ADAMTS9: variants seen among roughly 807,000 people sequenced by gnomAD.
ADAMTS9 encodes A disintegrin and metalloproteinase with thrombospondin motifs 9.
In ADAMTS9, 107 loss-of-function variants were observed where a neutral mutation model predicts 257.1. The ratio of observed to expected loss-of-function variants is 0.42; its 90% CI spans 0.36 to 0.49. The LOEUF is 0.49. ADAMTS9 is among the 20% of genes least tolerant of loss of function. The pLI, the probability that ADAMTS9 is intolerant of heterozygous loss-of-function variation, is 0.03. For missense variants in ADAMTS9, 2,353 were observed against 2,469.1 expected, an observed-to-expected ratio of 0.95 and a Z score of 1.00; for synonymous variants, 982 against 880.9, an observed-to-expected ratio of 1.11 and a Z score of -2.03.
At chr3:64,621,675 T>C (rs1161980885) in intron 18 of ADAMTS9, among the ~76,000 whole-genome samples, 4 of 151,558 alleles carry the variant, frequency 2.6e-5, no homozygotes, top group African/African-American at 7.3e-5. Context: ...GGCATGAGAA[T>C]TGCTTGAACC....
chr3:64,639,125 C>G, intron 12 of ADAMTS9, among the ~76,000 whole-genome samples: 1 of 151,862 alleles, frequency 6.6e-6, no homozygotes, highest in African/African-American at 2.4e-5. Context: ...TCTGATTTTC[C>G]CTTTTCTGTG....
chr3:64,563,031 T>A (rs2083455106), intron 29 of ADAMTS9: 1 of 152,224 alleles, frequency 6.6e-6, no homozygotes, highest in South Asian at 2.1e-4. Context: ...ATATTTTGGA[T>A]CAACATAGCT....
chr3:64,520,800 G>C (rs150669533), intron 39 of ADAMTS9, among the ~76,000 whole-genome samples: 49 of 152,098 alleles, frequency 3.2e-4, no homozygotes, highest in African/African-American at 1.1e-3. Flanking sequence ...AATAACTCAG[G>C]ATACATTAAA....
At chr3:64,618,950 C>T (rs967540013) in intron 19 of ADAMTS9, among the ~76,000 whole-genome samples, 1 of 152,074 alleles carries the variant, frequency 6.6e-6, no homozygotes, top group African/African-American at 2.4e-5. Flanking sequence ...ACCACATAAG[C>T]CAGCATCATC....
Position 64,596,765 on chromosome 3 carries a change from G to A in ADAMTS9, c.4179+65C>T, listed in dbSNP as rs559299498. On this transcript the variant is annotated intron_variant, in intron 27 of 39. Coordinates refer to ENST00000498707, the MANE Select transcript of ADAMTS9 (RefSeq NM_182920.2). ...GTTCTTCTCCTTGAAAATAAAATCT[G>A]AATGATAAATACAGTTTGGTTAACA... The A allele has an allele frequency of 4.0e-5, 63 of 1,575,380 alleles. No individual in the cohort carries two copies. In the African/African-American group the frequency reaches 6.6e-4, roughly 17 times the overall value.
At chr3:64,608,547 C>A (rs780567149) in intron 22 of ADAMTS9, among the ~76,000 whole-genome samples, 1 of 151,928 alleles carries the variant, frequency 6.6e-6, no homozygotes, top group Non-Finnish European at 1.5e-5. Flanking sequence ...TGCCAACTTA[C>A]GCAGATTGCC....
rs867662463 is a variant in ADAMTS9, at chr3:64,629,668, T to A, written c.2389+1787A>T. ...TATGGAGTTTTCTTATCTATCAGGT[T>A]ACTGTTTATTGCCTATTGTTTATTG... On this transcript the variant is annotated intron_variant, in intron 16 of 39. Transcript: ENST00000498707. Among the ~76,000 whole-genome samples, 6 of 152,376 alleles carry A rather than the reference T, an allele frequency of 3.9e-5. No homozygotes were observed. The South Asian group carries it at 1.2e-3, about 32-fold the overall frequency.
At chr3:64,552,575 CTTTTTTTT>C (rs113655800) in intron 30 of ADAMTS9, among the ~76,000 whole-genome samples, 1 of 139,262 alleles carries the variant, frequency 7.2e-6, no homozygotes, top group Admixed American at 7.2e-5. Flanking sequence ...CTTTTCTTTC[CTTTTTTTT>C]TTTTTTTGAG....
intron 12 of ADAMTS9, among the ~76,000 whole-genome samples, chr3:64,637,966 T>C (rs1303675824): frequency 6.6e-6 from 1 of 152,222 alleles, no homozygotes; most frequent in Non-Finnish European, 1.5e-5. Context: ...AGAAAAAGCC[T>C]TGCTGTAATT....
At chr3:64,613,208 G>T in intron 22 of ADAMTS9, 137 bp downstream of exon 22, 2 of 983,882 alleles carry the variant, frequency 2.0e-6, no homozygotes, top group Non-Finnish European at 2.9e-6. Context: ...ACATGTGCTT[G>T]ATCCAGTGCC....
chr3:64,649,713 A>G lies in ADAMTS9; in HGVS notation c.1529T>C (p.Leu510Pro). 1 of 1,614,140 alleles carries G rather than the reference A, an allele frequency of 6.2e-7. No homozygotes were observed. The change falls in exon 10 of 40, where the codon CTG (leucine) becomes CCG (proline). Residue 510 changes from leucine (L) to proline (P), a missense_variant. Physicochemically the swap from Leu to Pro is moderately conservative, Grantham distance 98. Coordinates refer to ENST00000498707, the MANE Select transcript of ADAMTS9 (RefSeq NM_182920.2). ...ESRPYPLPVQLPGILYNVNKQ... is the reference protein window; with the variant it reads ...ESRPYPLPVQPPGILYNVNKQ... ...ATTCACGTTGTAAAGGATGCCTGGC[A>G]GTTGGACAGGCAAAGGGTAGGGTCT...
intron 4 of ADAMTS9, among the ~76,000 whole-genome samples, chr3:64,657,862 G>C (rs576301322): frequency 7.6e-4 from 115 of 152,124 alleles, no homozygotes; most frequent in Non-Finnish European, 1.2e-3. Flanking sequence ...AATAGACTTT[G>C]GTTCTGATTT....
intron 31 of ADAMTS9, among the ~76,000 whole-genome samples, chr3:64,549,779 C>T (rs2083246539): frequency 6.6e-6 from 1 of 152,208 alleles, no homozygotes; most frequent in Non-Finnish European, 1.5e-5. Flanking sequence ...CACAACCAAA[C>T]TGTCTCTAGA....
intron 29 of ADAMTS9, chr3:64,565,480 G>A (rs1012911487): frequency 3.3e-5 from 5 of 152,190 alleles, no homozygotes; most frequent in African/African-American, 1.2e-4. Flanking sequence ...TGACCACAAA[G>A]GTGTTGAACT....
At chr3:64,521,071 A>G (rs2082846135) in intron 39 of ADAMTS9, among the ~76,000 whole-genome samples, 1 of 152,198 alleles carries the variant, frequency 6.6e-6, no homozygotes, top group African/African-American at 2.4e-5. Flanking sequence ...AATATCCAGA[A>G]TCTATAAGGA....
At chr3:64,657,188 C>T (rs567124945) in intron 4 of ADAMTS9, among the ~76,000 whole-genome samples, 148 of 152,176 alleles carry the variant, frequency 9.7e-4, no homozygotes, top group Non-Finnish European at 1.1e-3. Context: ...AGCACTAGTA[C>T]GTGGCTAGCT....
In ADAMTS9 at chr3:64,681,249, C is replaced by G; in HGVS notation, c.631G>C (p.Ala211Pro). Residue 211 changes from alanine (A) to proline (P), a missense_variant, in exon 3 of 40, where the codon GCC (alanine) becomes CCC (proline). Ala to Pro is a conservative substitution (Grantham distance 27). Around this residue, in one of 3 missense-constraint regions of ADAMTS9, gnomAD observed 591 missense variants for 569.6 expected, o/e 1.04. Transcript: ENST00000498707. ...CCTGTTGAGGGCTCTCTCTGGGGGGCGCTGCGCCTATAAATGATGTGGGGT... is the reference window on the plus strand; with the variant it reads ...CCTGTTGAGGGCTCTCTCTGGGGGGGGCTGCGCCTATAAATGATGTGGGGT... ...NKPHIIYRRS[A>P]PQREPSTGRH... is the part of the protein sequence containing the mutation. 6.2e-7 allele frequency: 1 copy of G among 1,613,904 alleles called. No homozygotes were observed.
Position 64,642,111 on chromosome 3 carries a change from G to A in ADAMTS9, c.1711-118C>T, listed in dbSNP as rs989528881. ...TTTCCATGTGTGGGTTTGAAATGCT[G>A]CAGGTTCATCATCTATATGAATAAT... On this transcript the variant is annotated intron_variant, in intron 11 of 39. Coordinates refer to ENST00000498707, the MANE Select transcript of ADAMTS9 (RefSeq NM_182920.2). The A allele has an allele frequency of 8.6e-6, 10 of 1,157,982 alleles. No individual in the cohort carries two copies. The African/African-American group carries it at 1.5e-4, about 18-fold the overall frequency. 71.7% of individuals were successfully genotyped at this position (1,157,982 alleles called of 1,614,324 possible). A position where few individuals can be genotyped will look rare whatever the true frequency, so the allele number is the denominator to read the frequency against.
intron 12 of ADAMTS9, among the ~76,000 whole-genome samples, chr3:64,636,455 G>C (rs1700498968): frequency 6.6e-6 from 1 of 152,112 alleles, no homozygotes; most frequent in African/African-American, 2.4e-5. Context: ...AAAGGGAGAT[G>C]ATACTAATAT....
Sources: allele counts gnomAD v4.1 joint callset (sites outside exome capture counted in the v4.1 genomes callset), GRCh38; gene constraint gnomAD v4.1.1; regional missense constraint gnomAD v4.1.1; transcripts MANE v1.5; gene names NCBI Gene and HGNC (gene_info 2026-07-23, HGNC 2026-07-21).